CPEB2: variants seen among roughly 807,000 people sequenced by gnomAD.
CPEB2 encodes the protein cytoplasmic polyadenylation element-binding protein 2.
A neutral mutation model predicts 93.6 loss-of-function variants in CPEB2; 56 were observed. The ratio of observed to expected loss-of-function variants is 0.60; its 90% confidence interval spans 0.48 to 0.75. CPEB2 has a LOEUF of 0.75. Among genes scored for constraint, CPEB2 ranks in the 30% least tolerant of loss-of-function variants. The pLI, the probability that CPEB2 is intolerant of heterozygous loss-of-function variation, is 0.00. For missense variants in CPEB2, 1,579 were observed against 1,395.1 expected, an observed-to-expected ratio of 1.13 and a Z score of -2.10; for synonymous variants, 764 against 586.3, an observed-to-expected ratio of 1.30 and a Z score of -4.38.
At chr4:15,060,331 C>T (rs1729073710) in intron 10 of CPEB2, among the ~76,000 whole-genome samples, 1 of 152,160 alleles carries the variant, frequency 6.6e-6, no homozygotes, top group Non-Finnish European at 1.5e-5. Context: ...AAAAGAGAGA[C>T]TTCATTATCT....
At chr4:15,044,368 T>C (rs993554975) in intron 6 of CPEB2, among the ~76,000 whole-genome samples, 4 of 152,180 alleles carry the variant, frequency 2.6e-5, no homozygotes, top group Non-Finnish European at 5.9e-5. Context: ...AAAAATTTGC[T>C]GACCTCCCTT....
chr4:15,017,166 CTT>C lies in CPEB2; in HGVS notation c.2035-17_2035-16del. ...GAAAAAACTGCATAGATTATAATGTCTTTTTTCCTCTTCTCTTCCAGGATCGA... is the reference window on the plus strand; with the variant it reads ...GAAAAAACTGCATAGATTATAATGTCTTTTCCTCTTCTCTTCCAGGATCGA... On this transcript the variant is annotated intron_variant, in intron 3 of 11. Coordinates refer to ENST00000538197, the MANE Select transcript of CPEB2 (RefSeq NM_001177382.2). The C allele has an allele frequency of 1.4e-6, 2 of 1,383,196 alleles. No homozygotes were observed. The highest frequency in any genetic ancestry group is 2.4e-5 in the South Asian group (2 of 84,884). The allele number at this position is 1,383,196 out of a possible 1,614,324, so 85.7% of individuals were successfully genotyped here. A position where few individuals can be genotyped will look rare whatever the true frequency, so the allele number is the denominator to read the frequency against.
chr4:15,006,101 A>G (rs912297677), intron 1 of CPEB2, among the ~76,000 whole-genome samples: 2 of 152,216 alleles, frequency 1.3e-5, no homozygotes, highest in African/African-American at 4.8e-5. Context: ...TGAGCATTAA[A>G]TCATTTAATA....
At position 15,052,438 on chromosome 4, in the gene CPEB2, A is replaced by G. The variant is rs1021660301; in HGVS notation, c.2225A>G (p.Asp742Gly). ...RRGRSSLFPI[D>G]DGLLDDGHSD... ...GGTCGTTCTTCCCTCTTTCCAATAG[A>G]TGATGGCTTGCTTGATGATGGTCAC... Residue 742 changes from aspartate to glycine, a missense_variant, in exon 7 of 12, where the codon GAT becomes GGT. This residue lies in a region of CPEB2 where 1,411 missense variants were observed against 1,056.0 expected (regional missense o/e 1.34). Coordinates refer to ENST00000538197, the MANE Select transcript of CPEB2 (RefSeq NM_001177382.2). 1 of 1,550,438 alleles carries G rather than the reference A, an allele frequency of 6.4e-7. No homozygotes were observed. The highest frequency in any genetic ancestry group is 8.8e-7 in the Non-Finnish European group (1 of 1,142,594).
chr4:15,036,992 T>C (rs571117971), intron 5 of CPEB2, among the ~76,000 whole-genome samples: 2 of 152,224 alleles, frequency 1.3e-5, no homozygotes, highest in African/African-American at 4.8e-5. Flanking sequence ...AAGCTTTCTT[T>C]TGGGTCTTGA....
intron 5 of CPEB2, among the ~76,000 whole-genome samples, chr4:15,034,716 G>A (rs1251434596): frequency 6.6e-6 from 1 of 152,166 alleles, no homozygotes; most frequent in Non-Finnish European, 1.5e-5. Flanking sequence ...CGGATCATTG[G>A]TTGAGAGTGA....
intron 1 of CPEB2, among the ~76,000 whole-genome samples, chr4:15,006,925 A>G (rs1722891241): frequency 1.3e-5 from 2 of 152,312 alleles, no homozygotes; most frequent in Middle Eastern, 3.4e-3. Context: ...TGTGCCTAGC[A>G]TAATTAATAT....
At chr4:15,014,337 G>GT (rs1723847332) in intron 3 of CPEB2, among the ~76,000 whole-genome samples, 1 of 152,070 alleles carries the variant, frequency 6.6e-6, no homozygotes, top group African/African-American at 2.4e-5. Flanking sequence ...GTATTTTAAA[G>GT]TATTTACAGT....
At chr4:15,016,255 G>A (rs1724131129) in intron 3 of CPEB2, among the ~76,000 whole-genome samples, 1 of 152,006 alleles carries the variant, frequency 6.6e-6, no homozygotes, top group African/African-American at 2.4e-5. Context: ...AACTGGGTGG[G>A]TGAGTATTTT....
At chr4:15,024,303 C>A (rs1406647205) in intron 4 of CPEB2, among the ~76,000 whole-genome samples, 1 of 151,880 alleles carries the variant, frequency 6.6e-6, no homozygotes, top group Non-Finnish European at 1.5e-5. Context: ...TTTGTTGGAC[C>A]TGTATTACCT....
intron 4 of CPEB2, among the ~76,000 whole-genome samples, chr4:15,028,803 A>G (rs1725756246): frequency 6.6e-6 from 1 of 152,108 alleles, no homozygotes; most frequent in Admixed American, 6.6e-5. Context: ...AACAGCAGAG[A>G]TCAGTGTAGC....
intron 10 of CPEB2, among the ~76,000 whole-genome samples, chr4:15,060,006 ATCTGATATCTTGAAGGTATTTGAAG>A (rs1363222226): frequency 1.3e-4 from 20 of 152,306 alleles, no homozygotes; most frequent in East Asian, 1.9e-4. Context: ...GAAATATGAT[ATCTGATATCTTGAAGGTATTTGAAG>A]TCTGATATCT....
At chr4:15,008,154 T>A (rs1272035179) in intron 2 of CPEB2, among the ~76,000 whole-genome samples, 184 bp from the exon 3 acceptor site, 1 of 152,242 alleles carries the variant, frequency 6.6e-6, no homozygotes, top group Non-Finnish European at 1.5e-5. Flanking sequence ...ATTATTTTCT[T>A]GAAGTTCCCT....
At chr4:15,045,407 A>ATT (rs1727566795) in intron 6 of CPEB2, among the ~76,000 whole-genome samples, 2 of 152,274 alleles carry the variant, frequency 1.3e-5, no homozygotes, top group South Asian at 4.1e-4. Context: ...ATTCATACAT[A>ATT]TTATATATAT....
In CPEB2 at chr4:15,002,761, C is replaced by A. The variant is rs1722122306; in HGVS notation, c.88C>A (p.Pro30Thr). Residue 30 changes from proline to threonine, a missense_variant, in exon 1 of 12, where the codon CCT becomes ACT. By Grantham distance (38) the Pro-to-Thr change is conservative. Around this residue, in one of 2 missense-constraint regions of CPEB2, gnomAD observed 1,411 missense variants for 1,056.0 expected, o/e 1.34. Coordinates refer to ENST00000538197, the MANE Select transcript of CPEB2 (RefSeq NM_001177382.2). Reference protein sequence around the residue: ...GPLFCGEAYGPYAVGSVNPLP... With the variant: ...GPLFCGEAYGTYAVGSVNPLP... The stretch of plus-strand genomic sequence containing the variant: ...CCTGTTCTGCGGCGAGGCGTATGGT[C>A]CTTACGCCGTGGGGTCCGTCAACCC... The A allele has an allele frequency of 1.3e-6, 2 of 1,535,592 alleles. No individual in the cohort carries two copies. The highest frequency in any genetic ancestry group is 1.7e-6 in the Non-Finnish European group (2 of 1,146,702).
At chr4:15,063,162 C>T (rs186185024) in intron 11 of CPEB2, among the ~76,000 whole-genome samples, 2 of 152,104 alleles carry the variant, frequency 1.3e-5, no homozygotes, top group African/African-American at 2.4e-5. Flanking sequence ...CAAGCCTCTT[C>T]TGGGGCTGTT....
intron 4 of CPEB2, among the ~76,000 whole-genome samples, chr4:15,025,071 G>C (rs1300530078): frequency 6.6e-6 from 1 of 151,586 alleles, no homozygotes; most frequent in Non-Finnish European, 1.5e-5. Context: ...ACCTCTTTTT[G>C]GAATTCCTGT....
At chr4:15,012,502 G>T (rs1019294240) in intron 3 of CPEB2, among the ~76,000 whole-genome samples, 1 of 152,092 alleles carries the variant, frequency 6.6e-6, no homozygotes, top group African/African-American at 2.4e-5. Flanking sequence ...CTTGGAGAAG[G>T]TAAGAGTCTA....
chr4:15,065,735 A>T (rs1170071293), intron 11 of CPEB2, among the ~76,000 whole-genome samples: 1 of 152,040 alleles, frequency 6.6e-6, no homozygotes, highest in African/African-American at 2.4e-5. Context: ...TTCCAAGCAG[A>T]GTGTGACTCG....
Sources: allele counts gnomAD v4.1 joint callset (sites outside exome capture counted in the v4.1 genomes callset), GRCh38; gene constraint gnomAD v4.1.1; regional missense constraint gnomAD v4.1.1; transcripts MANE v1.5; gene names NCBI Gene and HGNC (gene_info 2026-07-23, HGNC 2026-07-21).